TLR3: variants seen among roughly 807,000 people sequenced by gnomAD.
TLR3 encodes toll-like receptor 3.
A neutral mutation model predicts 66.4 loss-of-function variants in TLR3; 43 were observed. That is an observed-to-expected ratio of 0.65 (90% CI 0.51 to 0.83). The LOEUF (loss-of-function observed/expected upper bound fraction) is 0.83. TLR3 is among the 40% of genes least tolerant of loss of function. The pLI is 0.00. For missense variants in TLR3, 982 were observed against 1,044.6 expected (o/e 0.94, Z 0.83); for synonymous variants, 397 against 397.2 (o/e 1.00, Z 0.01).
rs1025054321 is a variant in TLR3 at position 186,082,590 on chromosome 4, T to C, written c.904T>C (p.Tyr302His). 6.2e-6 allele frequency: 10 copies of C among 1,614,054 alleles called. No individual in the cohort carries two copies. In the African/African-American group the frequency reaches 1.3e-4, roughly 22 times the overall value. ...CTTTGCTTGGCTTCCACAACTAGAA[T>C]ATTTCTTCCTAGAGTATAATAATAT... is the stretch of plus-strand genomic sequence containing the variant. ...DSFAWLPQLE[Y>H]FFLEYNNIQH... Residue 302 changes from tyrosine (Y) to histidine (H), a missense_variant, in exon 4 of 5, where the codon TAT (tyrosine) becomes CAT (histidine). This residue lies in a region of TLR3 where 666 missense variants were observed against 709.0 expected (regional missense o/e 0.94). Transcript: ENST00000296795.
chr4:186,081,963 A>G, intron 3 of TLR3: 1 of 279,370 alleles, frequency 3.6e-6, no homozygotes, highest in African/African-American at 2.2e-5. Flanking sequence ...GCAGCGGCTC[A>G]GGCCTATAAT....
At chr4:186,081,022 A>G (rs1464175868) in intron 3 of TLR3, among the ~76,000 whole-genome samples, 1 of 152,208 alleles carries the variant, frequency 6.6e-6, no homozygotes, top group Non-Finnish European at 1.5e-5. Context: ...AAAATTATGA[A>G]ATTAAGTATG....
Position 186,082,917 on chromosome 4 carries a change from A to G in TLR3, c.1231A>G (p.Ile411Val), listed in dbSNP as rs899704593. The G allele has an allele frequency of 3.2e-5, 52 of 1,614,082 alleles. No individual in the cohort carries two copies. The highest frequency in any genetic ancestry group is 4.2e-5 in the Non-Finnish European group (49 of 1,180,050). Reference sequence around the variant, plus strand: ...ATCACTTGCTCATTCTCCCTTACACATACTCAACCTAACCAAGAATAAAAT... The same window carrying G: ...ATCACTTGCTCATTCTCCCTTACACGTACTCAACCTAACCAAGAATAAAAT... ...FVSLAHSPLHILNLTKNKISK... is the reference protein window; with the variant it reads ...FVSLAHSPLHVLNLTKNKISK... The change falls in exon 4 of 5, where the codon ATA becomes GTA. Residue 411 changes from isoleucine to valine, a missense_variant. This residue lies in a region of TLR3 where 666 missense variants were observed against 709.0 expected (regional missense o/e 0.94). Transcript: ENST00000296795.
At chr4:186,079,214 G>A (rs1457490137) in intron 3 of TLR3, among the ~76,000 whole-genome samples, 183 bp downstream of exon 3, 4 of 152,046 alleles carry the variant, frequency 2.6e-5, no homozygotes, top group Non-Finnish European at 5.9e-5. Flanking sequence ...AGGAGAGGTC[G>A]GGAGACGGGA....
intron 1 of TLR3, among the ~76,000 whole-genome samples, chr4:186,070,538 C>T (rs759236481): frequency 9.9e-5 from 15 of 151,834 alleles, no homozygotes; most frequent in Non-Finnish European, 2.9e-5. Context: ...GTGTGAACCA[C>T]TATGGCCAGC....
intron 3 of TLR3, among the ~76,000 whole-genome samples, chr4:186,080,862 G>C (rs2150067224): frequency 6.6e-6 from 1 of 152,256 alleles, no homozygotes; most frequent in South Asian, 2.1e-4. Flanking sequence ...AAAGTGCTGG[G>C]ATTACAGGCG....
intron 1 of TLR3, among the ~76,000 whole-genome samples, chr4:186,070,251 C>A (rs1024285094): frequency 1.3e-5 from 2 of 152,266 alleles, no homozygotes; most frequent in Middle Eastern, 3.4e-3. Context: ...CCTAGAATAA[C>A]CTTTTCATAC....
intron 1 of TLR3, among the ~76,000 whole-genome samples, 163 bp downstream of exon 1, chr4:186,069,411 G>T (rs1342093933): frequency 6.6e-6 from 1 of 152,170 alleles, no homozygotes; most frequent in Non-Finnish European, 1.5e-5. Context: ...GAAGAAAAGG[G>T]ATATGATATG....
At chr4:186,072,453 C>T (rs1014523247) in intron 1 of TLR3, among the ~76,000 whole-genome samples, 5 of 152,142 alleles carry the variant, frequency 3.3e-5, no homozygotes, top group Non-Finnish European at 7.3e-5. Context: ...GCTGGGATTA[C>T]AGGCACCCAC....
At chr4:186,078,201 T>G (rs892738262) in intron 2 of TLR3, among the ~76,000 whole-genome samples, 1 of 152,204 alleles carries the variant, frequency 6.6e-6, no homozygotes, top group Non-Finnish European at 1.5e-5. Context: ...TTAACTGGTA[T>G]CGCTTTCCCT....
In TLR3 at chr4:186,087,919, G is replaced by A. The variant is rs1415998766; in HGVS notation, c.*3046G>A. 6.6e-6 allele frequency: 1 copy of A among 152,154 alleles called. No individual in the cohort carries two copies. Among genetic ancestry groups the A allele is most frequent in the Non-Finnish European group, 1.5e-5 (1 of 68,038 alleles). 9.4% of individuals were successfully genotyped at this position (152,154 alleles called of 1,614,324 possible). On this transcript the variant is annotated 3_prime_UTR_variant, in exon 5 of 5. Coordinates refer to ENST00000296795, the MANE Select transcript of TLR3 (RefSeq NM_003265.3). ...TAGGTGGAAGAGACCTTTTTTGGGT[G>A]ATGAAAGTGCTCTATAATTGGGTTA...
At chr4:186,072,622 T>C (rs2099301694) in intron 1 of TLR3, among the ~76,000 whole-genome samples, 1 of 152,180 alleles carries the variant, frequency 6.6e-6, no homozygotes, top group Admixed American at 6.5e-5. Flanking sequence ...CACACACTTT[T>C]AAACGACCGA....
rs1158235160 is a variant in TLR3, at chr4:186,084,915, A to G, written c.*42A>G. ...AATTAGCAAAGGAGAAACTTTCTCA[A>G]TTTAAAAAGTTCTATGGCAAATTTA... On this transcript the variant is annotated 3_prime_UTR_variant, in exon 5 of 5. Transcript: ENST00000296795. 1.3e-6 allele frequency: 2 copies of G among 1,531,266 alleles called. No individual in the cohort carries two copies. The highest frequency in any genetic ancestry group is 3.5e-5 in the Admixed American group (2 of 57,848). 94.9% of individuals were successfully genotyped at this position (1,531,266 alleles called of 1,614,324 possible).
At chr4:186,075,259 A>G (rs970326263) in intron 1 of TLR3, among the ~76,000 whole-genome samples, 1 of 152,150 alleles carries the variant, frequency 6.6e-6, no homozygotes, top group Non-Finnish European at 1.5e-5. Flanking sequence ...TGACGGCTAG[A>G]TTAGTAGGTG....
At position 186,078,989 on chromosome 4, in the gene TLR3, A is replaced by C. The variant is rs2099302943; in HGVS notation, c.591A>C (p.Ser197=). The C allele has an allele frequency of 2.5e-6, 4 of 1,613,914 alleles. No individual in the cohort carries two copies. The highest frequency in any genetic ancestry group is 3.4e-6 in the Non-Finnish European group (4 of 1,179,942). The change falls in exon 3 of 5, where the codon TCA becomes TCC. Residue 197 remains serine, a synonymous_variant. Transcript: ENST00000296795. ...KSEELDIFAN[S]SLKKLELSSN... ...AAGAACTGGATATCTTTGCCAATTC[A>C]TCTTTAAAAAAATTAGAGTTGTCAT...
chr4:186,080,556 A>G (rs1046503275), intron 3 of TLR3, among the ~76,000 whole-genome samples: 2 of 150,424 alleles, frequency 1.3e-5, no homozygotes, highest in Non-Finnish European at 3.0e-5. Context: ...TATTTTATGT[A>G]TATAGTATTT....
At chr4:186,072,630 C>T (rs140366205) in intron 1 of TLR3, among the ~76,000 whole-genome samples, 47 of 152,194 alleles carry the variant, frequency 3.1e-4, no homozygotes, top group African/African-American at 1.0e-3. Context: ...TTTAAACGAC[C>T]GAATCTCATA....
At chr4:186,073,609 A>G (rs149413997) in intron 1 of TLR3, among the ~76,000 whole-genome samples, 2 of 152,320 alleles carry the variant, frequency 1.3e-5, no homozygotes, top group African/African-American at 4.8e-5. Flanking sequence ...CAATTAACTT[A>G]GGAGAGGTCA....
Position 186,079,069 on chromosome 4 carries a change from T to C in TLR3, c.633+38T>C, listed in dbSNP as rs749511482. ...GTAAAATTATTTTGCATTCTGCCTT[T>C]AAGGTGGATAGTCCCTATCTGTGTC... is the stretch of plus-strand genomic sequence containing the variant. On this transcript the variant is annotated intron_variant, in intron 3 of 4. Transcript: ENST00000296795. 3.9e-6 allele frequency: 6 copies of C among 1,537,954 alleles called. 1 individual carries two copies. The East Asian group carries it at 1.4e-4, about 35-fold the overall frequency.
Sources: gnomAD v4.1 joint callset for allele counts (sites outside exome capture counted in the v4.1 genomes callset) on GRCh38, gnomAD v4.1.1 for gene constraint, gnomAD v4.1.1 regional missense constraint, MANE v1.5 for transcripts, NCBI Gene and HGNC (gene_info 2026-07-23, HGNC 2026-07-21) for gene names.